KIAA1549L: variants seen among roughly 807,000 people sequenced by gnomAD.
KIAA1549L encodes the protein KIAA1549 like.
Under a neutral mutation model 160.7 loss-of-function variants are expected in KIAA1549L, and 88 were observed. That is an observed-to-expected ratio of 0.55 (90% CI 0.46 to 0.65). KIAA1549L has a LOEUF of 0.65. Ranked by LOEUF, KIAA1549L falls within the 30% of genes least tolerant of loss-of-function variation. KIAA1549L has a pLI of 0.00. For synonymous variants in KIAA1549L, 950 were observed against 976.7 expected, an observed-to-expected ratio of 0.97 and a Z score of 0.51; for missense variants, 2,258 against 2,437.5, an observed-to-expected ratio of 0.93 and a Z score of 1.55.
At chr11:33,406,279 C>T (rs1284331872) in intron 1 of KIAA1549L, among the ~76,000 whole-genome samples, 2 of 152,238 alleles carry the variant, frequency 1.3e-5, no homozygotes, top group Non-Finnish European at 2.9e-5. Context: ...GTTTGCATTC[C>T]TGTTAGGAAC....
At position 33,606,153 on chromosome 11, in the gene KIAA1549L, A is replaced by G. The variant is rs528186793; in HGVS notation, c.4880-488A>G. Among the ~76,000 whole-genome samples, 11 of 152,322 alleles carry G rather than the reference A, an allele frequency of 7.2e-5. No homozygotes were observed. In the East Asian group the frequency reaches 1.2e-3, roughly 16 times the overall value. On this transcript the variant is annotated intron_variant, in intron 13 of 20. Coordinates refer to ENST00000658780, the MANE Select transcript of KIAA1549L (RefSeq NM_012194.3). ...AAAAAAAAAAAGAATGTCAGCCACTATAACTGTGGCTTGTTGACCAAGAAA... is the reference window on the plus strand; with the variant it reads ...AAAAAAAAAAAGAATGTCAGCCACTGTAACTGTGGCTTGTTGACCAAGAAA...
At chr11:33,465,021 C>T (rs907985646) in intron 1 of KIAA1549L, among the ~76,000 whole-genome samples, 16 of 149,154 alleles carry the variant, frequency 1.1e-4, no homozygotes, top group Non-Finnish European at 2.1e-4. Flanking sequence ...CTCCACTCCA[C>T]ATTCAACTCG....
chr11:33,527,940 T>C (rs1853651027), intron 1 of KIAA1549L, among the ~76,000 whole-genome samples: 1 of 152,158 alleles, frequency 6.6e-6, no homozygotes, highest in African/African-American at 2.4e-5. Context: ...AATTGAATCA[T>C]GGGGGCGAGC....
intron 1 of KIAA1549L, among the ~76,000 whole-genome samples, chr11:33,468,119 T>C (rs1217327869): frequency 6.6e-6 from 1 of 152,258 alleles, no homozygotes; most frequent in Non-Finnish European, 1.5e-5. Flanking sequence ...AAGCTTTTTT[T>C]GCCCAGTGGG....
intron 1 of KIAA1549L, among the ~76,000 whole-genome samples, chr11:33,428,665 G>A (rs913915482): frequency 1.3e-4 from 20 of 152,196 alleles, no homozygotes; most frequent in African/African-American, 4.8e-4. Context: ...ATTCCATGGT[G>A]TATATGTGCC....
At chr11:33,589,177 C>G (rs1849969888) in intron 11 of KIAA1549L, among the ~76,000 whole-genome samples, 2 of 152,150 alleles carry the variant, frequency 1.3e-5, no homozygotes, top group Admixed American at 1.3e-4. Flanking sequence ...TCATCACTGG[C>G]CATCAGAGAA....
At chr11:33,524,712 A>G (rs563331608) in intron 1 of KIAA1549L, among the ~76,000 whole-genome samples, 2 of 152,336 alleles carry the variant, frequency 1.3e-5, no homozygotes, top group East Asian at 1.9e-4. Flanking sequence ...ATATTTATGT[A>G]TCTGCATGTG....
chr11:33,383,808 C>T (rs1246235209), intron 1 of KIAA1549L, among the ~76,000 whole-genome samples: 1 of 152,150 alleles, frequency 6.6e-6, no homozygotes, highest in Non-Finnish European at 1.5e-5. Context: ...GGGACCGAGG[C>T]TCAGGGTGCC....
chr11:33,646,587 A>G (rs780151254), intron 17 of KIAA1549L, among the ~76,000 whole-genome samples: 1 of 152,250 alleles, frequency 6.6e-6, no homozygotes, highest in Non-Finnish European at 1.5e-5. Context: ...AGTTTCATGC[A>G]TAAATCCATG....
At chr11:33,620,965 C>T (rs769207932) in intron 16 of KIAA1549L, among the ~76,000 whole-genome samples, 3 of 152,232 alleles carry the variant, frequency 2.0e-5, no homozygotes, top group African/African-American at 4.8e-5. Context: ...AGCAGTGAGC[C>T]GGTCATTCAA....
chr11:33,427,370 C>T (rs1008256396), intron 1 of KIAA1549L, among the ~76,000 whole-genome samples: 8 of 152,178 alleles, frequency 5.3e-5, no homozygotes, highest in African/African-American at 1.7e-4. Context: ...TATCCCCTCT[C>T]AGGCTGTCGG....
At chr11:33,414,255 G>T (rs1269796792) in intron 1 of KIAA1549L, among the ~76,000 whole-genome samples, 1 of 152,204 alleles carries the variant, frequency 6.6e-6, no homozygotes, top group East Asian at 1.9e-4. Context: ...ATTAAGCTAT[G>T]TGCAGTATGG....
intron 1 of KIAA1549L, among the ~76,000 whole-genome samples, chr11:33,472,378 C>T (rs1218942832): frequency 6.6e-6 from 1 of 151,162 alleles, no homozygotes; most frequent in African/African-American, 2.4e-5. Context: ...ATTTCGGCCT[C>T]CCAAAACACT....
At chr11:33,472,835 C>T (rs1332597770) in intron 1 of KIAA1549L, among the ~76,000 whole-genome samples, 2 of 152,164 alleles carry the variant, frequency 1.3e-5, no homozygotes, top group Non-Finnish European at 1.5e-5. Context: ...AGAGATTCAC[C>T]TTACTAGTTG....
intron 1 of KIAA1549L, among the ~76,000 whole-genome samples, chr11:33,382,423 C>G (rs1259453454): frequency 6.6e-6 from 1 of 151,962 alleles, no homozygotes; most frequent in Non-Finnish European, 1.5e-5. Flanking sequence ...AAAACTCTAA[C>G]TGCAGATGGT....
intron 1 of KIAA1549L, among the ~76,000 whole-genome samples, chr11:33,478,586 C>T (rs1279310702): frequency 6.6e-6 from 1 of 152,098 alleles, no homozygotes; most frequent in Admixed American, 6.6e-5. Flanking sequence ...GCATTTTTTT[C>T]CATCTGATTT....
chr11:33,475,595 G>A (rs763234788), intron 1 of KIAA1549L, among the ~76,000 whole-genome samples: 1 of 150,892 alleles, frequency 6.6e-6, no homozygotes, highest in African/African-American at 2.4e-5. Context: ...GCTCATGCCT[G>A]TAATCCCAGC....
At chr11:33,576,289 G>A (rs1855444676) in intron 10 of KIAA1549L, among the ~76,000 whole-genome samples, 1 of 152,106 alleles carries the variant, frequency 6.6e-6, no homozygotes, top group African/African-American at 2.4e-5. Context: ...CAGGATGATG[G>A]TCCTGACCTT....
intron 9 of KIAA1549L, among the ~76,000 whole-genome samples, 160 bp downstream of exon 9, chr11:33,568,387 G>A (rs914258447): frequency 3.9e-5 from 6 of 151,986 alleles, no homozygotes; most frequent in Non-Finnish European, 7.4e-5. Flanking sequence ...GGGAACTGAC[G>A]GTCATAACCA....
Sources: gnomAD v4.1 joint callset for allele counts (sites outside exome capture counted in the v4.1 genomes callset) on GRCh38, gnomAD v4.1.1 for gene constraint, MANE v1.5 for transcripts, NCBI Gene and HGNC (gene_info 2026-07-23, HGNC 2026-07-21) for gene names.